FCN3: variants seen among roughly 807,000 people sequenced by gnomAD.
FCN3 encodes the protein ficolin-3.
FCN3 carries 28 observed loss-of-function variants against 31.5 expected under a neutral mutation model. The observed-to-expected ratio is 0.89, with a 90% CI of 0.66 to 1.22. FCN3 has a LOEUF of 1.22. Among genes scored for constraint, FCN3 ranks in the 50% most tolerant of loss-of-function variants. The pLI is 0.00. For synonymous variants in FCN3, 124 were observed against 147.4 expected, an observed-to-expected ratio of 0.84 and a Z score of 1.15; for missense variants, 351 against 386.8, an observed-to-expected ratio of 0.91 and a Z score of 0.78.
chr1:27,373,790 T>A, intron 3 of FCN3, 175 bp downstream of exon 3: 1 of 677,958 alleles, frequency 1.5e-6, no homozygotes, highest in Non-Finnish European at 2.6e-6. Flanking sequence ...CCATCCCCAA[T>A]AGGAGGGCCA....
intron 5 of FCN3, among the ~76,000 whole-genome samples, chr1:27,371,591 A>G (rs2016146941): frequency 6.6e-6 from 1 of 151,922 alleles, no homozygotes; most frequent in South Asian, 2.1e-4. Flanking sequence ...AAACAAACAA[A>G]CAAAAAAACC....
chr1:27,374,000 C>T lies in FCN3; in HGVS notation c.197G>A (p.Gly66Glu). The T allele has an allele frequency of 6.2e-7, 1 of 1,613,660 alleles. No individual in the cohort carries two copies. The highest frequency in any genetic ancestry group is 1.1e-5 in the South Asian group (1 of 91,064). The change falls in exon 3 of 8, where the codon GGA becomes GAA. Residue 66 changes from glycine to glutamate, a missense_variant. Transcript: ENST00000270879. ...KGAPGPQGPP[G>E]PPGKMGPKGE... is the part of the protein sequence containing the mutation. ...CTTGGGGCCCATCTTGCCTGGTGGT[C>T]CAGGTGGCCCTGAAATCACAAAGGC...
intron 5 of FCN3, among the ~76,000 whole-genome samples, chr1:27,371,405 G>A (rs760178667): frequency 1.1e-4 from 16 of 151,988 alleles, no homozygotes; most frequent in Admixed American, 2.6e-4. Context: ...GTGAAATCCC[G>A]TCTCTACTAA....
chr1:27,372,583 G>A (rs1377969794), intron 5 of FCN3, among the ~76,000 whole-genome samples: 6 of 152,254 alleles, frequency 3.9e-5, no homozygotes, highest in East Asian at 1.9e-4. Context: ...CACTTCTTAA[G>A]TTGATCATTT....
At position 27,369,364 on chromosome 1, in the gene FCN3, A is replaced by G; in HGVS notation, c.772T>C (p.Cys258Arg). The G allele has an allele frequency of 6.2e-7, 1 of 1,614,246 alleles. No individual in the cohort carries two copies. Among genetic ancestry groups the G allele is most frequent in the Non-Finnish European group, 8.5e-7 (1 of 1,180,044 alleles). Residue 258 changes from cysteine (C) to arginine (R), a missense_variant, in exon 8 of 8, where the codon TGT becomes CGT. Transcript: ENST00000270879. ...IVHGAWWYAS[C>R]YRSNLNGRYA... ...CGACCATTGAGATTTGATCGGTAAC[A>G]GGATGCATACCACCAGGCACCGTGG...
intron 3 of FCN3, 128 bp downstream of exon 3, chr1:27,373,837 A>G (rs1571091619): frequency 1.2e-6 from 1 of 845,930 alleles, no homozygotes; most frequent in Non-Finnish European, 1.9e-6. Context: ...AATCCTTCCC[A>G]CTCCTCCCAG....
chr1:27,373,597 C>T (rs1337940386), intron 3 of FCN3, 77 bp from the exon 4 acceptor site: 2 of 1,511,306 alleles, frequency 1.3e-6, no homozygotes, highest in Non-Finnish European at 9.2e-7. Flanking sequence ...AGCCGGTACC[C>T]AGGCCCTTTT....
intron 7 of FCN3, 34 bp downstream of exon 7, chr1:27,370,562 G>A (rs370265434): frequency 1.6e-5 from 25 of 1,590,138 alleles, no homozygotes; most frequent in Non-Finnish European, 2.2e-5. Context: ...AAAGGATCCA[G>A]CCTCCTTCCT....
chr1:27,374,309 G>A, intron 2 of FCN3, 47 bp downstream of exon 2: 1 of 1,392,750 alleles, frequency 7.2e-7, no homozygotes. Flanking sequence ...CTACTTTCCT[G>A]CCTTCCCCAT....
rs1557578457 is a variant in FCN3, at chr1:27,374,712, C to T, written c.91+16G>A. ...ATGAGGAGTGGGTTGGTGAGGAGGG[C>T]ACCCTAGGTGCCCACCTGGGCAGCT... On this transcript the variant is annotated intron_variant, in intron 1 of 7. Coordinates refer to ENST00000270879, the MANE Select transcript of FCN3 (RefSeq NM_003665.4). The T allele has an allele frequency of 2.1e-6, 3 of 1,404,890 alleles. No individual in the cohort carries two copies. Among genetic ancestry groups the T allele is most frequent in the South Asian group, 1.8e-5 (1 of 56,702 alleles). The allele number at this position is 1,404,890 out of a possible 1,614,324, so 87.0% of individuals were successfully genotyped here. A position where few individuals can be genotyped will look rare whatever the true frequency, so the allele number is the denominator to read the frequency against.
chr1:27,370,742 G>A lies in FCN3; in HGVS notation c.524-12C>T, dbSNP rs2016129301. The A allele has an allele frequency of 2.5e-6, 4 of 1,613,928 alleles. No individual in the cohort carries two copies. In the East Asian group the frequency reaches 6.7e-5, roughly 27 times the overall value. ...CAGCTCCCAGTTACCTGGAAAGAAG[G>A]GGAGGCAGGGATGGAGGAATCCTCA... On this transcript the variant is annotated splice_polypyrimidine_tract_variant and intron_variant, in intron 6 of 7. Coordinates refer to ENST00000270879, the MANE Select transcript of FCN3 (RefSeq NM_003665.4).
rs2016160186 is a variant in FCN3, at chr1:27,372,248, T to C, written c.393+888A>G. Among the ~76,000 whole-genome samples the C allele has an allele frequency of 2.2e-5, 3 of 136,906 alleles. No homozygotes were observed. The South Asian group carries it at 7.0e-4, about 32-fold the overall frequency. 89.8% of individuals were successfully genotyped at this position (136,906 alleles called of 152,430 possible). On this transcript the variant is annotated intron_variant, in intron 5 of 7. Transcript: ENST00000270879. The stretch of plus-strand genomic sequence containing the variant: ...CTACCCATTGCCCTGCACACTCTTC[T>C]TTTTTTTTTTTTTTTTTAAGACAGA...
chr1:27,374,641 C>T (rs2016214463), intron 1 of FCN3, 87 bp downstream of exon 1: 1 of 853,692 alleles, frequency 1.2e-6, no homozygotes, highest in Non-Finnish European at 1.8e-6. Flanking sequence ...TCCCACCCTG[C>T]TCCTTGAGGT....
chr1:27,374,292 A>G lies in FCN3; in HGVS notation c.187+64T>C, dbSNP rs1212969488. Reference sequence around the variant, plus strand: ...TTGTCGTGGCCCCTCAGCACAGACAAAAATTGCTACTTTCCTGCCTTCCCC... The same window carrying G: ...TTGTCGTGGCCCCTCAGCACAGACAGAAATTGCTACTTTCCTGCCTTCCCC... On this transcript the variant is annotated intron_variant, in intron 2 of 7. Transcript: ENST00000270879. 1.2e-5 allele frequency: 15 copies of G among 1,263,304 alleles called. No homozygotes were observed. In the East Asian group the frequency reaches 2.3e-4, roughly 20 times the overall value. 78.3% of individuals were successfully genotyped at this position (1,263,304 alleles called of 1,614,324 possible).
At chr1:27,370,201 G>T (rs4545358) in intron 7 of FCN3, among the ~76,000 whole-genome samples, 37,392 of 151,788 alleles carry the variant, frequency 0.25, 5,292 homozygotes, top group Middle Eastern at 0.33. Flanking sequence ...TAGAGACGGG[G>T]TTTCACCATG....
intron 5 of FCN3, among the ~76,000 whole-genome samples, chr1:27,371,562 C>G (rs1189263664): frequency 6.6e-6 from 1 of 151,942 alleles, no homozygotes; most frequent in Non-Finnish European, 1.5e-5. Flanking sequence ...GGCAGCAGAG[C>G]AAGACTCCGT....
intron 1 of FCN3, 58 bp downstream of exon 1, chr1:27,374,670 G>A: frequency 9.5e-7 from 1 of 1,057,716 alleles, no homozygotes; most frequent in Non-Finnish European, 1.3e-6. Flanking sequence ...CTTGGTGGGG[G>A]GACACCCAGC....
intron 4 of FCN3, 52 bp downstream of exon 4, chr1:27,373,436 C>T (rs912810025): frequency 6.2e-6 from 10 of 1,609,228 alleles, no homozygotes; most frequent in Non-Finnish European, 8.5e-6. Context: ...GGTCTGCCAA[C>T]ACCCAACACC....
chr1:27,370,657 G>A lies in FCN3; in HGVS notation c.597C>T (p.Arg199=). The stretch of plus-strand genomic sequence containing the variant: ...GGTAGTGGTCTACCTCACCGAGGAG[G>A]CGGAAGGTCGCATAGTGGGCGAAAG... ...NRTFAHYATF[R]LLGEVDHYQL... The change falls in exon 7 of 8, where the codon CGC becomes CGT. Residue 199 remains arginine, a synonymous_variant. Transcript: ENST00000270879. 1 of 1,614,246 alleles carries A rather than the reference G, an allele frequency of 6.2e-7. No individual in the cohort carries two copies. The highest frequency in any genetic ancestry group is 8.5e-7 in the Non-Finnish European group (1 of 1,180,052).
Sources: gnomAD v4.1 joint callset for allele counts (sites outside exome capture counted in the v4.1 genomes callset) on GRCh38, gnomAD v4.1.1 for gene constraint, MANE v1.5 for transcripts, NCBI Gene and HGNC (gene_info 2026-07-23, HGNC 2026-07-21) for gene names.